The following SGF29 variants were observed in gnomAD, a reference collection of about 807,000 sequenced individuals.
SGF29 encodes the protein SAGA-associated factor 29.
In SGF29, 15 loss-of-function variants were observed where a neutral mutation model predicts 38.1. The ratio of observed to expected loss-of-function variants is 0.39; its 90% confidence interval spans 0.26 to 0.61. The LOEUF is 0.61. Ranked by LOEUF, SGF29 falls within the 20% of genes least tolerant of loss-of-function variation. SGF29 has a pLI of 0.49. For synonymous variants in SGF29, 151 were observed against 160.8 expected (o/e 0.94, Z 0.46); for missense variants, 184 against 394.6 (o/e 0.47, Z 4.52).
chr16:28,570,332 T>C (rs950558706), intron 1 of SGF29, among the ~76,000 whole-genome samples: 6 of 152,216 alleles, frequency 3.9e-5, no homozygotes, highest in African/African-American at 1.4e-4. Flanking sequence ...GTTTGCTCTG[T>C]TGGGTTTTGG....
chr16:28,556,498 C>T (rs2046752439), intron 1 of SGF29, among the ~76,000 whole-genome samples: 1 of 152,204 alleles, frequency 6.6e-6, no homozygotes. Context: ...CAGGCATGTG[C>T]CACCACACCC....
Position 28,590,948 on chromosome 16 carries a change from C to G in SGF29, c.765+13C>G, listed in dbSNP as rs975030869. 6.9e-6 allele frequency: 11 copies of G among 1,599,384 alleles called. No homozygotes were observed. The African/African-American group carries it at 1.3e-4, about 20-fold the overall frequency. On this transcript the variant is annotated intron_variant, in intron 9 of 9. Transcript: ENST00000317058. This position sits in a 1 kb window ranked among gnomAD's most constrained non-coding sequence, Gnocchi z 8.2. ...GCCCCCACAGCGGGTAAAGCAGCCT[C>G]CAGGGGAGAGGCCATGGGTGATGTC...
At chr16:28,587,432 C>A (rs965662529) in intron 4 of SGF29, among the ~76,000 whole-genome samples, 2 of 152,258 alleles carry the variant, frequency 1.3e-5, no homozygotes, top group Admixed American at 1.3e-4. Flanking sequence ...GTGGCTCTTT[C>A]TCCTTCTCTG....
intron 2 of SGF29, among the ~76,000 whole-genome samples, chr16:28,582,129 C>G (rs2046929572): frequency 6.6e-6 from 1 of 152,160 alleles, no homozygotes; most frequent in African/African-American, 2.4e-5. Context: ...CCAGAAATTC[C>G]TTCCCAAATG....
At chr16:28,564,429 C>T (rs553160131) in intron 1 of SGF29, among the ~76,000 whole-genome samples, 1 of 149,850 alleles carries the variant, frequency 6.7e-6, no homozygotes, top group South Asian at 2.1e-4. Context: ...CGGCAACAAA[C>T]CAGAATGGTG....
chr16:28,588,534 A>G, intron 4 of SGF29: 1 of 400,426 alleles, frequency 2.5e-6, no homozygotes, highest in Non-Finnish European at 4.8e-6. Context: ...TTATGTTCTT[A>G]AGACTAAAAG....
At chr16:28,556,514 A>C (rs1023330157) in intron 1 of SGF29, among the ~76,000 whole-genome samples, 3 of 152,040 alleles carry the variant, frequency 2.0e-5, no homozygotes, top group Non-Finnish European at 4.4e-5. Context: ...CACCCGATTA[A>C]TTTTGTATTT....
At chr16:28,571,530 T>A (rs1295739836) in intron 1 of SGF29, among the ~76,000 whole-genome samples, 1 of 149,432 alleles carries the variant, frequency 6.7e-6, no homozygotes, top group Non-Finnish European at 1.5e-5. Flanking sequence ...GAGGTGGAAG[T>A]TTCAGTGAGC....
intron 5 of SGF29, chr16:28,589,431 T>A: frequency 2.2e-6 from 1 of 455,126 alleles, no homozygotes; most frequent in Non-Finnish European, 4.1e-6. Flanking sequence ...CCTGGGCCAG[T>A]CGCCCCCTCC....
intron 1 of SGF29, among the ~76,000 whole-genome samples, chr16:28,579,627 C>T (rs1448204452): frequency 6.6e-6 from 1 of 151,292 alleles, no homozygotes; most frequent in Non-Finnish European, 1.5e-5. Flanking sequence ...AGATATTTTA[C>T]AGTAGTTTCT....
intron 4 of SGF29, 50 bp from the exon 5 acceptor site, chr16:28,589,050 A>G (rs372877872): frequency 6.3e-7 from 1 of 1,598,782 alleles, no homozygotes; most frequent in Non-Finnish European, 8.6e-7. Flanking sequence ...AGAGAAGTCT[A>G]TGCTATGTAC....
At chr16:28,564,527 GTATATATATA>G (rs1182904889) in intron 1 of SGF29, among the ~76,000 whole-genome samples, 1 of 118,082 alleles carries the variant, frequency 8.5e-6, no homozygotes, top group Non-Finnish European at 1.7e-5. Context: ...ATATGTGTGT[GTATATATATA>G]TGTATATATA....
Position 28,589,483 on chromosome 16 carries a change from T to C in SGF29, c.289+319T>C, listed in dbSNP as rs200655418. 127 of 330,328 alleles carry C rather than the reference T, an allele frequency of 3.8e-4. 1 individual carries two copies. In the East Asian group the frequency reaches 7.6e-3, roughly 20 times the overall value. 20.5% of individuals were successfully genotyped at this position (330,328 alleles called of 1,614,324 possible). On this transcript the variant is annotated intron_variant, in intron 5 of 9. Transcript: ENST00000317058. Reference sequence around the variant, plus strand: ...CCCATCTGTTGCCCTGGCTGGTTTCTGCAGAGCCACACGCTGTGTGTCGTA... The same window carrying C: ...CCCATCTGTTGCCCTGGCTGGTTTCCGCAGAGCCACACGCTGTGTGTCGTA...
chr16:28,568,521 T>C (rs1457427140), intron 1 of SGF29, among the ~76,000 whole-genome samples: 1 of 151,724 alleles, frequency 6.6e-6, no homozygotes, highest in Non-Finnish European at 1.5e-5. Context: ...ATTGATTATT[T>C]AGCTTAAGTG....
intron 1 of SGF29, among the ~76,000 whole-genome samples, chr16:28,554,528 C>CAACCT (rs2046734492): frequency 6.6e-6 from 1 of 152,138 alleles, no homozygotes; most frequent in South Asian, 2.1e-4. Context: ...ACTAACAGCT[C>CAACCT]GTCGTTTGCC....
chr16:28,570,765 A>G (rs1158626740), intron 1 of SGF29, among the ~76,000 whole-genome samples: 10 of 151,726 alleles, frequency 6.6e-5, no homozygotes, highest in African/African-American at 2.4e-4. Context: ...TTTAGTAGAG[A>G]CAGGGTTTCA....
At chr16:28,564,726 T>TAA (rs1567285999) in intron 1 of SGF29, among the ~76,000 whole-genome samples, 1 of 44,576 alleles carries the variant, frequency 2.2e-5, no homozygotes, top group African/African-American at 7.2e-5. Flanking sequence ...TGTATATATA[T>TAA]ACATATATAT....
Position 28,584,949 on chromosome 16 carries a change from A to G in SGF29, c.112A>G (p.Ile38Val), listed in dbSNP as rs1010464659. 1 of 1,613,686 alleles carries G rather than the reference A, an allele frequency of 6.2e-7. No homozygotes were observed. Among genetic ancestry groups the G allele is most frequent in the African/African-American group, 1.3e-5 (1 of 74,880 alleles). The change falls in exon 3 of 10, where the codon ATC (isoleucine) becomes GTC (valine). Residue 38 changes from isoleucine (I) to valine (V), a missense_variant. Physicochemically the swap from Ile to Val is conservative, Grantham distance 29 (BLOSUM62 3). Transcript: ENST00000317058. ...RSRSEHNLVNIQKTHERMQTE... is the reference protein window; with the variant it reads ...RSRSEHNLVNVQKTHERMQTE... ...GCGGAGCGAACACAACTTAGTGAAC[A>G]TCCAGAAGACCCATGAGCGGATGCA...
Position 28,590,643 on chromosome 16 carries a change from T to C in SGF29, c.579T>C (p.Asp193=). 2 of 1,613,862 alleles carry C rather than the reference T, an allele frequency of 1.2e-6. No homozygotes were observed. Among genetic ancestry groups the C allele is most frequent in the Non-Finnish European group, 8.5e-7 (1 of 1,179,986 alleles). ...CTTTTGTCTGCAGGTATGAGGTAGA[T>C]GACATCGATGAAGAAGGCAAAGAGT... is the stretch of plus-strand genomic sequence containing the variant. ...YSHATNKYEV[D]DIDEEGKERH... Residue 193 remains aspartate, a synonymous_variant, in exon 8 of 10, where the codon GAT becomes GAC. Transcript: ENST00000317058. This position sits in a 1 kb window ranked among gnomAD's most constrained non-coding sequence, Gnocchi z 8.2.
Sources: allele counts gnomAD v4.1 joint callset (sites outside exome capture counted in the v4.1 genomes callset), GRCh38; gene constraint gnomAD v4.1.1; non-coding constraint Gnocchi (gnomAD v3.1); transcripts MANE v1.5; gene names NCBI Gene and HGNC (gene_info 2026-07-23, HGNC 2026-07-21).